Variants in KIAA0319 observed in about 807,000 individuals in gnomAD.
KIAA0319 encodes the protein dyslexia-associated protein KIAA0319.
Under a neutral mutation model 108.4 loss-of-function variants are expected in KIAA0319, and 83 were observed. The ratio of observed to expected loss-of-function variants is 0.77; its 90% CI spans 0.64 to 0.92. The LOEUF (loss-of-function observed/expected upper bound fraction) is 0.92. Ranked by LOEUF, KIAA0319 falls within the 40% of genes least tolerant of loss-of-function variation. KIAA0319 has a pLI of 0.00. For missense variants in KIAA0319, 1,195 were observed against 1,322.4 expected, an observed-to-expected ratio of 0.90 and a Z score of 1.49; for synonymous variants, 484 against 510.4, an observed-to-expected ratio of 0.95 and a Z score of 0.70.
At chr6:24,565,343 T>C (rs1297015339) in intron 14 of KIAA0319, among the ~76,000 whole-genome samples, 1 of 137,230 alleles carries the variant, frequency 7.3e-6, no homozygotes, top group Admixed American at 6.9e-5. Context: ...CTCCAGTCCT[T>C]AGAAATGGCA....
In KIAA0319 at chr6:24,570,405, G is replaced by A. The variant is rs894141926; in HGVS notation, c.1859-370C>T. On this transcript the variant is annotated intron_variant, in intron 11 of 20. Coordinates refer to ENST00000378214, the MANE Select transcript of KIAA0319 (RefSeq NM_014809.4). ...AGATCAAGACCATCCTGGCTAACAC[G>A]GTGAAACCCCGTCTCTACTAAAAAT... Among the ~76,000 whole-genome samples the A allele has an allele frequency of 2.0e-5, 3 of 152,150 alleles. 1 individual carries two copies. The highest frequency in any genetic ancestry group is 3.9e-4 in the East Asian group (2 of 5,150).
At chr6:24,598,877 T>A (rs896757834) in intron 2 of KIAA0319, 16 of 300,484 alleles carry the variant, frequency 5.3e-5, no homozygotes, top group East Asian at 1.5e-4. Flanking sequence ...AGACTGCATT[T>A]AAAAAAAAAA....
chr6:24,575,744 C>CTT (rs367630973), intron 10 of KIAA0319, among the ~76,000 whole-genome samples: 1 of 146,216 alleles, frequency 6.8e-6, no homozygotes. Flanking sequence ...AAGGTCCTAT[C>CTT]TTTTTTTTTT....
At chr6:24,639,294 T>G (rs1439547789) in intron 1 of KIAA0319, among the ~76,000 whole-genome samples, 2 of 152,086 alleles carry the variant, frequency 1.3e-5, no homozygotes, top group African/African-American at 2.4e-5. Flanking sequence ...CAGATAATCT[T>G]AAAAGGAACA....
At position 24,601,209 on chromosome 6, in the gene KIAA0319, C is replaced by A. The variant is rs1484074142; in HGVS notation, c.-105-1G>T. 2.6e-6 allele frequency: 4 copies of A among 1,541,332 alleles called. No homozygotes were observed. Among genetic ancestry groups the A allele is most frequent in the Admixed American group, 4.3e-5 (2 of 46,698 alleles). On this transcript the variant is annotated splice_acceptor_variant, in intron 1 of 20. Transcript: ENST00000378214. LOFTEE classifies it low-confidence loss of function (5UTR_SPLICE). ...TAGGAGCCAGATTTGGCCTCAAGAA[C>A]TTCAAAGGAAAAACATAAAAGAGGA...
chr6:24,618,327 G>A (rs936420815), intron 1 of KIAA0319, among the ~76,000 whole-genome samples: 1 of 145,902 alleles, frequency 6.9e-6, no homozygotes, highest in African/African-American at 2.6e-5. Context: ...CAAAATTACA[G>A]GCCAAGTAGA....
chr6:24,628,304 T>C (rs1775005070), intron 1 of KIAA0319, among the ~76,000 whole-genome samples: 1 of 148,764 alleles, frequency 6.7e-6, no homozygotes, highest in African/African-American at 2.5e-5. Context: ...TCAATAATTT[T>C]TCTAAGGAAC....
chr6:24,585,437 C>T (rs956938155), intron 4 of KIAA0319, among the ~76,000 whole-genome samples: 10 of 151,906 alleles, frequency 6.6e-5, no homozygotes, highest in East Asian at 1.9e-4. Flanking sequence ...TGAATTTCAC[C>T]CTGGCAATGT....
chr6:24,565,239 C>T (rs962504632), intron 14 of KIAA0319, among the ~76,000 whole-genome samples: 9 of 149,676 alleles, frequency 6.0e-5, no homozygotes, highest in African/African-American at 1.0e-4. Context: ...GGTGACAGAG[C>T]GAGACTCGGA....
chr6:24,561,150 T>C (rs536254577), intron 16 of KIAA0319, among the ~76,000 whole-genome samples: 18 of 152,338 alleles, frequency 1.2e-4, no homozygotes, highest in African/African-American at 4.3e-4. Context: ...TTGATAGTAT[T>C]TTGTTGTAGA....
intron 1 of KIAA0319, among the ~76,000 whole-genome samples, chr6:24,602,825 A>G (rs13212181): frequency 6.6e-6 from 1 of 152,224 alleles, no homozygotes; most frequent in South Asian, 2.1e-4. Context: ...AAGAAAAGAA[A>G]AAAAGAAATG....
At chr6:24,616,953 T>C (rs1187246586) in intron 1 of KIAA0319, among the ~76,000 whole-genome samples, 1 of 152,162 alleles carries the variant, frequency 6.6e-6, no homozygotes, top group African/African-American at 2.4e-5. Context: ...GAAATAATGA[T>C]GTTGAATTAA....
At chr6:24,557,763 C>T (rs1010558796) in intron 17 of KIAA0319, among the ~76,000 whole-genome samples, 1 of 146,044 alleles carries the variant, frequency 6.8e-6, no homozygotes, top group African/African-American at 2.5e-5. Context: ...TCATAATATA[C>T]TTTTTTTTTT....
At chr6:24,542,403 T>C (rs765983878), downstream of KIAA0319, among the ~76,000 whole-genome samples, 14 of 152,116 alleles carry the variant, frequency 9.2e-5, no homozygotes, top group African/African-American at 1.2e-4. Context: ...TTAAGATAAA[T>C]CCCCATTGGT....
At chr6:24,566,826 T>C in intron 13 of KIAA0319, 78 bp from the exon 14 acceptor site, 1 of 1,322,664 alleles carries the variant, frequency 7.6e-7, no homozygotes, top group Non-Finnish European at 1.0e-6. Context: ...TCATAAAACA[T>C]CCACAACTCT....
At chr6:24,553,294 T>TATATATAC (rs1554142428) in intron 19 of KIAA0319, among the ~76,000 whole-genome samples, 2 of 91,064 alleles carry the variant, frequency 2.2e-5, no homozygotes, top group African/African-American at 4.8e-5. Flanking sequence ...TATATATATA[T>TATATATAC]ACACACACAC....
intron 1 of KIAA0319, among the ~76,000 whole-genome samples, chr6:24,611,899 T>A (rs1288343409): frequency 6.0e-5 from 9 of 150,548 alleles, no homozygotes; most frequent in African/African-American, 1.7e-4. Flanking sequence ...TAAAAAAAAA[T>A]AATTAGTGTG....
At chr6:24,604,799 C>T (rs182158022) in intron 1 of KIAA0319, among the ~76,000 whole-genome samples, 145 of 152,158 alleles carry the variant, frequency 9.5e-4, no homozygotes, top group Non-Finnish European at 5.7e-4. Context: ...TCAAAAATTC[C>T]TTCAGTTCTA....
At chr6:24,557,652 T>C (rs1408785012) in intron 17 of KIAA0319, among the ~76,000 whole-genome samples, 1 of 152,172 alleles carries the variant, frequency 6.6e-6, no homozygotes, top group Non-Finnish European at 1.5e-5. Flanking sequence ...AACCCATGGA[T>C]AAGAAACTGG....
Sources: allele counts gnomAD v4.1 joint callset (sites outside exome capture counted in the v4.1 genomes callset), GRCh38; gene constraint gnomAD v4.1.1; transcripts MANE v1.5; gene names NCBI Gene and HGNC (gene_info 2026-07-23, HGNC 2026-07-21).